The following FDFT1 variants were observed in gnomAD, a reference collection of about 807,000 sequenced individuals.
FDFT1 encodes farnesyl-diphosphate farnesyltransferase 1.
Under a neutral mutation model 46.8 loss-of-function variants are expected in FDFT1, and 68 were observed. The observed-to-expected ratio is 1.45, with a 90% CI of 1.19 to 1.78. FDFT1 has a LOEUF of 1.78. FDFT1 is among the 40% of genes most tolerant of loss of function. The pLI, the probability that FDFT1 is intolerant of heterozygous loss-of-function variation, is 0.00. For missense variants in FDFT1, 928 were observed against 524.4 expected (o/e 1.77, Z -7.52); for synonymous variants, 351 against 185.1 (o/e 1.90, Z -7.28).
intron 7 of FDFT1, among the ~76,000 whole-genome samples, chr8:11,834,477 CAG>C (rs1811272945): frequency 6.6e-6 from 1 of 152,182 alleles, no homozygotes; most frequent in Non-Finnish European, 1.5e-5. Flanking sequence ...GTGGTTAAGT[CAG>C]AGAATCATCC....
rs147679657 is a variant in FDFT1, at chr8:11,829,577, G to A, written c.703-667G>A. Among the ~76,000 whole-genome samples, 212 of 152,314 alleles carry A rather than the reference G, an allele frequency of 1.4e-3. 1 individual carries two copies. In the East Asian group the frequency reaches 0.017, roughly 12 times the overall value. ...TTTAGTCTGCAGTACAATTATAACT[G>A]TTTTTGTATATTGGGTTATTTTTTT... is the stretch of plus-strand genomic sequence containing the variant. On this transcript the variant is annotated intron_variant, in intron 5 of 7. Coordinates refer to ENST00000220584, the MANE Select transcript of FDFT1 (RefSeq NM_004462.5).
At chr8:11,801,876 G>C (rs1468759755), upstream of FDFT1, 3 of 441,748 alleles carry the variant, frequency 6.8e-6, no homozygotes, top group East Asian at 7.0e-5. Flanking sequence ...ATTTTTAGTA[G>C]AGACGGGTTT....
intron 7 of FDFT1, among the ~76,000 whole-genome samples, chr8:11,836,954 G>C (rs754758583): frequency 3.9e-5 from 6 of 152,272 alleles, no homozygotes; most frequent in Non-Finnish European, 8.8e-5. Context: ...AGGTGAGTAA[G>C]TAGGTGCGGT....
chr8:11,825,412 G>T (rs994183138), intron 4 of FDFT1, among the ~76,000 whole-genome samples: 1 of 151,846 alleles, frequency 6.6e-6, no homozygotes, highest in African/African-American at 2.4e-5. Flanking sequence ...GTGGTGGTGG[G>T]TGCTTTAATT....
intron 1 of FDFT1, among the ~76,000 whole-genome samples, chr8:11,805,194 G>T (rs994051183): frequency 3.3e-5 from 5 of 152,138 alleles, no homozygotes. Context: ...GGGATTACAG[G>T]TGTGAGCCAC....
At chr8:11,827,101 C>G (rs1810099832) in intron 5 of FDFT1, among the ~76,000 whole-genome samples, 1 of 152,210 alleles carries the variant, frequency 6.6e-6, no homozygotes, top group East Asian at 1.9e-4. Flanking sequence ...AATTTTATGA[C>G]TGTTCCCTGA....
chr8:11,838,337 G>A (rs763202642), intron 7 of FDFT1, 51 bp from the exon 8 acceptor site: 14 of 1,430,798 alleles, frequency 9.8e-6, no homozygotes, highest in South Asian at 3.5e-5. Flanking sequence ...AAGTAGCCAT[G>A]GAAAATGTAA....
At chr8:11,799,635 T>A (rs1805901229), upstream of FDFT1, among the ~76,000 whole-genome samples, 1 of 152,228 alleles carries the variant, frequency 6.6e-6, no homozygotes, top group African/African-American at 2.4e-5. Flanking sequence ...AAATGCTTTT[T>A]CCCTGGTGCT....
intron 2 of FDFT1, 54 bp from the exon 3 acceptor site, chr8:11,809,612 TA>T: frequency 1.3e-6 from 2 of 1,503,796 alleles, no homozygotes; most frequent in Non-Finnish European, 1.8e-6. Context: ...TATTTTAAAA[TA>T]AAAAATCTTT....
chr8:11,810,777 C>T (rs1030690223), intron 3 of FDFT1, among the ~76,000 whole-genome samples: 1 of 151,866 alleles, frequency 6.6e-6, no homozygotes, highest in Non-Finnish European at 1.5e-5. Context: ...CGAAGAAGCC[C>T]TTTTTGTCCA....
intron 3 of FDFT1, 135 bp downstream of exon 3, chr8:11,809,985 T>C (rs2130729303): frequency 3.0e-6 from 2 of 657,930 alleles, no homozygotes; most frequent in East Asian, 2.9e-5. Context: ...GGTTAAAAAC[T>C]CCGGTAGCCA....
chr8:11,820,188 T>C (rs1280877839), intron 3 of FDFT1, among the ~76,000 whole-genome samples: 1 of 152,154 alleles, frequency 6.6e-6, no homozygotes, highest in African/African-American at 2.4e-5. Context: ...GAACAGCAAA[T>C]ATCGCGGCCT....
At chr8:11,803,485 A>G (rs1291560373) in intron 1 of FDFT1, 5 of 1,255,164 alleles carry the variant, frequency 4.0e-6, no homozygotes, top group African/African-American at 3.1e-5. Context: ...TGAGTTATCT[A>G]ACGTCTATGG....
At chr8:11,818,793 T>C (rs1393904498) in intron 3 of FDFT1, among the ~76,000 whole-genome samples, 2 of 152,228 alleles carry the variant, frequency 1.3e-5, no homozygotes, top group Non-Finnish European at 2.9e-5. Context: ...GTGACGGGCC[T>C]TGACTGTTTA....
At chr8:11,816,687 A>G (rs1454532299) in intron 3 of FDFT1, among the ~76,000 whole-genome samples, 1 of 152,216 alleles carries the variant, frequency 6.6e-6, no homozygotes, top group Non-Finnish European at 1.5e-5. Context: ...ATTGGTGTAT[A>G]GGAATGCTTG....
At chr8:11,809,130 T>G in intron 2 of FDFT1, 4 of 1,315,454 alleles carry the variant, frequency 3.0e-6, no homozygotes, top group Non-Finnish European at 3.9e-6. Flanking sequence ...TGATGTTTAT[T>G]AACTTTTTTT....
At chr8:11,832,520 C>G (rs1486303738) in intron 7 of FDFT1, among the ~76,000 whole-genome samples, 1 of 122,488 alleles carries the variant, frequency 8.2e-6, no homozygotes, top group Admixed American at 1.1e-4. Flanking sequence ...TCATTGCACT[C>G]TAGCCTGGGT....
chr8:11,804,155 G>C (rs1228755571), intron 1 of FDFT1, among the ~76,000 whole-genome samples: 3 of 152,198 alleles, frequency 2.0e-5, no homozygotes, highest in Non-Finnish European at 4.4e-5. Flanking sequence ...GTGGAAGAGA[G>C]ACAATTTAAG....
intron 3 of FDFT1, among the ~76,000 whole-genome samples, chr8:11,812,899 TAATG>T (rs554175852): frequency 6.6e-6 from 1 of 152,234 alleles, no homozygotes; most frequent in African/African-American, 2.4e-5. Flanking sequence ...ATGCATCACT[TAATG>T]AATGGCCACA....
Sources: gnomAD v4.1 joint callset for allele counts (sites outside exome capture counted in the v4.1 genomes callset) on GRCh38, gnomAD v4.1.1 for gene constraint, MANE v1.5 for transcripts, NCBI Gene and HGNC (gene_info 2026-07-23, HGNC 2026-07-21) for gene names.